Variants in SPECC1 observed in about 807,000 individuals in gnomAD.
The protein encoded by SPECC1 is sperm antigen with calponin homology and coiled-coil domains 1.
SPECC1 carries 62 observed loss-of-function variants against 104.1 expected under a neutral mutation model. The observed-to-expected ratio is 0.60, with a 90% CI of 0.49 to 0.74. The LOEUF is 0.74. Among genes scored for constraint, SPECC1 ranks in the 30% least tolerant of loss-of-function variants. The pLI is 0.00. For synonymous variants in SPECC1, 513 were observed against 501.6 expected (o/e 1.02, Z -0.30); for missense variants, 1,306 against 1,310.5 (o/e 1.00, Z 0.05).
intron 13 of SPECC1, among the ~76,000 whole-genome samples, chr17:20,300,680 G>A (rs916602278): frequency 3.9e-5 from 6 of 152,362 alleles, no homozygotes; most frequent in South Asian, 2.1e-4. Flanking sequence ...GATTCTGAGC[G>A]CAGAGGCTCC....
At chr17:20,083,051 C>T (rs781776910) in intron 1 of SPECC1, among the ~76,000 whole-genome samples, 1 of 126,624 alleles carries the variant, frequency 7.9e-6, no homozygotes, top group Non-Finnish European at 1.8e-5. Context: ...AGTCCAGACT[C>T]CTGGACTGTA....
chr17:20,127,015 T>G (rs2049344864), intron 3 of SPECC1, among the ~76,000 whole-genome samples: 2 of 152,240 alleles, frequency 1.3e-5, no homozygotes, highest in Admixed American at 1.3e-4. Context: ...TTATCTCTGA[T>G]TCTTGTGATC....
intron 12 of SPECC1, among the ~76,000 whole-genome samples, chr17:20,280,274 A>G (rs140236545): frequency 5.0e-4 from 76 of 152,328 alleles, no homozygotes; most frequent in African/African-American, 1.8e-3. Flanking sequence ...GACATTGTCT[A>G]AGTGCATCTA....
intron 3 of SPECC1, among the ~76,000 whole-genome samples, chr17:20,179,085 C>G (rs546072941): frequency 7.3e-6 from 1 of 137,862 alleles, no homozygotes; most frequent in South Asian, 2.5e-4. Context: ...TTGCATGCCA[C>G]AGAAGCTGAT....
At chr17:20,289,990 T>G (rs1225569317) in intron 12 of SPECC1, among the ~76,000 whole-genome samples, 14 of 152,146 alleles carry the variant, frequency 9.2e-5, no homozygotes. Context: ...AGATTTGGAC[T>G]TTTATAATAA....
At chr17:20,172,086 A>C (rs892270885) in intron 3 of SPECC1, among the ~76,000 whole-genome samples, 35 of 152,184 alleles carry the variant, frequency 2.3e-4, no homozygotes, top group Non-Finnish European at 4.4e-4. Context: ...GTGGCCATAG[A>C]ACTGAGTCTT....
intron 1 of SPECC1, among the ~76,000 whole-genome samples, chr17:20,014,623 T>C (rs1486313679): frequency 6.6e-6 from 1 of 152,230 alleles, no homozygotes; most frequent in Non-Finnish European, 1.5e-5. Context: ...AGATATTGCT[T>C]TATCTGCTGG....
At chr17:20,011,765 A>G (rs1415956214) in intron 1 of SPECC1, among the ~76,000 whole-genome samples, 2 of 151,336 alleles carry the variant, frequency 1.3e-5, no homozygotes, top group East Asian at 3.9e-4. Flanking sequence ...CTTTCATTCC[A>G]CTTACCTCAC....
chr17:20,096,605 T>A, intron 1 of SPECC1, 26 bp from the exon 2 acceptor site: 1 of 1,580,308 alleles, frequency 6.3e-7, no homozygotes, highest in Non-Finnish European at 8.6e-7. Flanking sequence ...GATGGAGACA[T>A]GTTTTTCTTT....
At position 20,276,105 on chromosome 17, in the gene SPECC1, T is replaced by G. The variant is rs188303126; in HGVS notation, c.2940+15811T>G. Among the ~76,000 whole-genome samples the G allele has an allele frequency of 2.5e-3, 374 of 152,324 alleles. 1 individual carries two copies. The highest frequency in any genetic ancestry group is 3.9e-3 in the Non-Finnish European group (266 of 68,030). On this transcript the variant is annotated intron_variant, in intron 12 of 14. Coordinates refer to ENST00000395527, the MANE Select transcript of SPECC1 (RefSeq NM_001243439.2). ...TATTTGCATGATATATCTTTGTACT[T>G]TCTTTCCTTTCTTCTCTTTTTTTCC...
intron 3 of SPECC1, among the ~76,000 whole-genome samples, chr17:20,193,037 T>C (rs920890206): frequency 5.9e-5 from 9 of 152,218 alleles, no homozygotes; most frequent in Admixed American, 5.9e-4. Flanking sequence ...GGCTGCTGGT[T>C]GCCCATTTTT....
intron 3 of SPECC1, among the ~76,000 whole-genome samples, chr17:20,178,359 T>C (rs2034622491): frequency 6.6e-6 from 1 of 152,186 alleles, no homozygotes; most frequent in Admixed American, 6.5e-5. Flanking sequence ...ACTCCTGGGC[T>C]CTAGAGTGGA....
intron 3 of SPECC1, among the ~76,000 whole-genome samples, chr17:20,183,897 G>A (rs775015579): frequency 3.3e-5 from 5 of 151,980 alleles, no homozygotes; most frequent in Non-Finnish European, 5.9e-5. Flanking sequence ...TCAACCGGGC[G>A]TGGTGGCTCA....
intron 13 of SPECC1, among the ~76,000 whole-genome samples, chr17:20,298,370 G>A (rs1183461724): frequency 1.3e-5 from 2 of 152,168 alleles, no homozygotes; most frequent in Admixed American, 6.6e-5. Context: ...GGAAGGTAGA[G>A]GAGGCAGCAG....
At chr17:20,250,556 A>G (rs1169711838) in intron 9 of SPECC1, among the ~76,000 whole-genome samples, 1 of 152,252 alleles carries the variant, frequency 6.6e-6, no homozygotes, top group African/African-American at 2.4e-5. Flanking sequence ...CTAAACTTAC[A>G]TAGGAGAGAG....
intron 3 of SPECC1, among the ~76,000 whole-genome samples, chr17:20,173,535 G>A (rs1405921522): frequency 6.6e-6 from 1 of 152,180 alleles, no homozygotes; most frequent in Non-Finnish European, 1.5e-5. Context: ...ACATTGCTAG[G>A]TCGCCTCCCA....
At chr17:20,105,805 C>T (rs1017245909) in intron 2 of SPECC1, among the ~76,000 whole-genome samples, 3 of 152,174 alleles carry the variant, frequency 2.0e-5, no homozygotes, top group African/African-American at 7.2e-5. Context: ...ACCTTGAGTC[C>T]CAGGAACCAA....
At chr17:20,191,269 G>T (rs545685014) in intron 3 of SPECC1, among the ~76,000 whole-genome samples, 1 of 152,232 alleles carries the variant, frequency 6.6e-6, no homozygotes, top group South Asian at 2.1e-4. Context: ...GGATCATAGA[G>T]AACAAGTATG....
At chr17:20,053,500 GAGTGTTAGGAGTAGGTCCAT>G (rs2045850750) in intron 1 of SPECC1, among the ~76,000 whole-genome samples, 2 of 152,226 alleles carry the variant, frequency 1.3e-5, no homozygotes, top group South Asian at 2.1e-4. Context: ...GCAGAAGTGA[GAGTGTTAGGAGTAGGTCCAT>G]AGTGTTAGGA....
Sources: gnomAD v4.1 joint callset for allele counts (sites outside exome capture counted in the v4.1 genomes callset) on GRCh38, gnomAD v4.1.1 for gene constraint, MANE v1.5 for transcripts, NCBI Gene and HGNC (gene_info 2026-07-23, HGNC 2026-07-21) for gene names.